TRPM3: variants seen among roughly 807,000 people sequenced by gnomAD.
TRPM3 encodes the protein long transient receptor potential channel 3.
TRPM3 carries 77 observed loss-of-function variants against 181.2 expected under a neutral mutation model. The ratio of observed to expected loss-of-function variants is 0.42; its 90% CI spans 0.35 to 0.51. TRPM3 has a LOEUF of 0.51. TRPM3 is among the 20% of genes least tolerant of loss of function. TRPM3 has a pLI of 0.01. For missense variants in TRPM3, 1,759 were observed against 2,196.7 expected, an observed-to-expected ratio of 0.80 and a Z score of 3.98; for synonymous variants, 745 against 796.4, an observed-to-expected ratio of 0.94 and a Z score of 1.09.
intron 1 of TRPM3, among the ~76,000 whole-genome samples, chr9:71,093,397 A>C (rs1401186198): frequency 2.0e-5 from 3 of 152,186 alleles, no homozygotes; most frequent in African/African-American, 7.2e-5. Context: ...AGAAAAAAAA[A>C]CAAACAACCC....
rs574522043 is a variant in TRPM3, at chr9:70,559,315, T to G, written c.3224-6005A>C. ...GTTACAGCTCCTCTATTTCACTGGG[T>G]GTCTATTTTCCTGTTTATGTCAAGA... On this transcript the variant is annotated intron_variant, in intron 22 of 25. Transcript: ENST00000677713. Among the ~76,000 whole-genome samples, 206 of 152,318 alleles carry G rather than the reference T, an allele frequency of 1.4e-3. 1 individual carries two copies. The highest frequency in any genetic ancestry group is 4.8e-3 in the African/African-American group (198 of 41,572).
intron 1 of TRPM3, among the ~76,000 whole-genome samples, chr9:71,065,900 C>T (rs758775312): frequency 2.6e-5 from 4 of 152,022 alleles, no homozygotes; most frequent in Non-Finnish European, 5.9e-5. Flanking sequence ...GAAAAACAAG[C>T]GATGACATAT....
intron 1 of TRPM3, among the ~76,000 whole-genome samples, chr9:70,918,270 T>A (rs12344810): frequency 6.6e-6 from 1 of 151,990 alleles, no homozygotes; most frequent in Non-Finnish European, 1.5e-5. Flanking sequence ...ATAGACCAAA[T>A]AGATCTAATA....
intron 1 of TRPM3, among the ~76,000 whole-genome samples, chr9:71,237,309 C>T (rs1045225341): frequency 2.0e-5 from 3 of 151,988 alleles, no homozygotes; most frequent in African/African-American, 7.2e-5. Flanking sequence ...ATACTATGAA[C>T]ACAGTTCTAA....
intron 1 of TRPM3, among the ~76,000 whole-genome samples, chr9:71,394,607 T>C (rs1418729562): frequency 1.3e-5 from 2 of 152,156 alleles, no homozygotes; most frequent in Non-Finnish European, 2.9e-5. Flanking sequence ...CCAATTTCAG[T>C]AACTTATATT....
At chr9:71,292,337 AAGAAT>A (rs1030886830) in intron 1 of TRPM3, among the ~76,000 whole-genome samples, 3 of 152,040 alleles carry the variant, frequency 2.0e-5, no homozygotes, top group African/African-American at 7.2e-5. Context: ...GATGAGAAAA[AAGAAT>A]AGAAAACAGA....
chr9:71,292,326 A>G (rs533791919), intron 1 of TRPM3, among the ~76,000 whole-genome samples: 1 of 152,154 alleles, frequency 6.6e-6, no homozygotes, highest in African/African-American at 2.4e-5. Context: ...AAGCTGAAAT[A>G]GATGAGAAAA....
chr9:71,436,199 G>A (rs528526228), intron 1 of TRPM3, among the ~76,000 whole-genome samples: 8 of 150,960 alleles, frequency 5.3e-5, no homozygotes, highest in Admixed American at 1.3e-4. Context: ...AGTGCCTTTC[G>A]CATCCTGCCT....
At chr9:70,667,108 ATC>A (rs147232927) in intron 9 of TRPM3, among the ~76,000 whole-genome samples, 5 of 150,970 alleles carry the variant, frequency 3.3e-5, no homozygotes, top group African/African-American at 4.9e-5. Context: ...CTCGCTGTTT[ATC>A]TCTCTCTCTC....
chr9:71,374,343 C>T (rs1328655855), intron 1 of TRPM3, among the ~76,000 whole-genome samples: 1 of 152,052 alleles, frequency 6.6e-6, no homozygotes, highest in Non-Finnish European at 1.5e-5. Context: ...CACTGCACTC[C>T]AGTCTGGGCA....
chr9:71,142,980 TAAAAA>T (rs34661280), intron 1 of TRPM3, among the ~76,000 whole-genome samples: 1 of 146,994 alleles, frequency 6.8e-6, no homozygotes, highest in Non-Finnish European at 1.5e-5. Flanking sequence ...AAGAAAATGT[TAAAAA>T]AAAAAAAAGA....
intron 1 of TRPM3, among the ~76,000 whole-genome samples, chr9:71,209,034 G>T (rs935291408): frequency 6.6e-6 from 1 of 152,138 alleles, no homozygotes; most frequent in South Asian, 2.1e-4. Context: ...TAAATCATGA[G>T]ACTTTGATCA....
chr9:70,556,064 G>T (rs551489150), intron 22 of TRPM3, among the ~76,000 whole-genome samples: 2 of 152,288 alleles, frequency 1.3e-5, no homozygotes, highest in East Asian at 3.9e-4. Flanking sequence ...CTTGTGCCCA[G>T]CTGAGAGAGG....
intron 1 of TRPM3, among the ~76,000 whole-genome samples, chr9:71,088,927 G>A (rs897440531): frequency 4.6e-5 from 7 of 151,540 alleles, no homozygotes; most frequent in African/African-American, 7.3e-5. Context: ...TGGAAACTTG[G>A]GGTGGTGAGG....
intron 1 of TRPM3, among the ~76,000 whole-genome samples, chr9:71,089,224 T>C (rs542674187): frequency 6.7e-6 from 1 of 149,160 alleles, no homozygotes; most frequent in Non-Finnish European, 1.5e-5. Flanking sequence ...TATAACATTA[T>C]ATTTGCTTAT....
intron 6 of TRPM3, among the ~76,000 whole-genome samples, chr9:70,806,454 A>G (rs902521725): frequency 1.3e-5 from 2 of 152,058 alleles, no homozygotes; most frequent in African/African-American, 4.8e-5. Context: ...GCACTTTCGG[A>G]GGATGAGGCA....
intron 21 of TRPM3, among the ~76,000 whole-genome samples, chr9:70,592,080 A>G (rs1041274911): frequency 6.6e-6 from 1 of 152,192 alleles, no homozygotes; most frequent in Admixed American, 6.5e-5. Flanking sequence ...TGTTTCTTAT[A>G]TGCCAAATTA....
In TRPM3 at chr9:71,209,262, G is replaced by A. The variant is rs1333127339; in HGVS notation, c.183+237391C>T. On this transcript the variant is annotated intron_variant, in intron 1 of 24. Transcript: ENST00000357533. ...ATTTCTTAAATCTTAACACTCAGAT[G>A]AGGAAACCAATTCCAAAAATGATTT... is the stretch of plus-strand genomic sequence containing the variant. 4.6e-5 allele frequency among the ~76,000 whole-genome samples: 7 copies of A among 151,296 alleles called. No individual in the cohort carries two copies. The East Asian group carries it at 1.4e-3, about 29-fold the overall frequency.
chr9:70,682,752 G>GA (rs1167465646), intron 8 of TRPM3, among the ~76,000 whole-genome samples: 1 of 152,090 alleles, frequency 6.6e-6, no homozygotes, highest in African/African-American at 2.4e-5. Context: ...GGAGGCTATA[G>GA]AAAAAAAGCC....
Sources: gnomAD v4.1 joint callset for allele counts (sites outside exome capture counted in the v4.1 genomes callset) on GRCh38, gnomAD v4.1.1 for gene constraint, MANE v1.5 for transcripts, NCBI Gene and HGNC (gene_info 2026-07-23, HGNC 2026-07-21) for gene names.